NDST4: variants seen among roughly 807,000 people sequenced by gnomAD.
NDST4 encodes the protein N-deacetylase and N-sulfotransferase 4, also known as N-heparan sulfate sulfotransferase 4.
In NDST4, 63 loss-of-function variants were observed where a neutral mutation model predicts 100.8. That is an observed-to-expected ratio of 0.62 (90% CI 0.51 to 0.77). The LOEUF (loss-of-function observed/expected upper bound fraction) is 0.77. Ranked by LOEUF, NDST4 falls within the 30% of genes least tolerant of loss-of-function variation. The pLI, the probability that NDST4 is intolerant of heterozygous loss-of-function variation, is 0.00. For missense variants in NDST4, 943 were observed against 1,018.4 expected (o/e 0.93, Z 1.01); for synonymous variants, 377 against 361.8 (o/e 1.04, Z -0.48).
intron 6 of NDST4, among the ~76,000 whole-genome samples, chr4:114,892,218 T>C (rs1560798408): frequency 6.6e-6 from 1 of 152,134 alleles, no homozygotes; most frequent in East Asian, 1.9e-4. Flanking sequence ...AATCACTCAA[T>C]ATTTATTTAT....
chr4:114,870,962 A>C lies in NDST4; in HGVS notation c.1537-12T>G. On this transcript the variant is annotated splice_polypyrimidine_tract_variant and intron_variant, in intron 6 of 13. Transcript: ENST00000264363. Reference sequence around the variant, plus strand: ...ATGAAAATGCTGATCTGAAAGATAAATAAAAATGACCACAAAAATATCATA... The same window carrying C: ...ATGAAAATGCTGATCTGAAAGATAACTAAAAATGACCACAAAAATATCATA... 6.3e-7 allele frequency: 1 copy of C among 1,591,110 alleles called. No individual in the cohort carries two copies. The highest frequency in any genetic ancestry group is 8.6e-7 in the Non-Finnish European group (1 of 1,168,158).
At chr4:114,893,965 A>G (rs1428649770) in intron 6 of NDST4, among the ~76,000 whole-genome samples, 2 of 152,206 alleles carry the variant, frequency 1.3e-5, no homozygotes, top group Middle Eastern at 3.2e-3. Context: ...ATGGCTAGCC[A>G]GTTTTCCCAG....
Position 115,019,035 on chromosome 4 carries a change from T to C in NDST4, c.979-41761A>G, listed in dbSNP as rs147410207. 5.9e-3 allele frequency among the ~76,000 whole-genome samples: 903 copies of C among 152,136 alleles called. 7 individuals carry two copies. The highest frequency in any genetic ancestry group is 0.01 in the Non-Finnish European group (701 of 67,964). ...TCATTATCAAATCATCTATATTTCT[T>C]CTTTTTATAATTCTAAATTTTCATT... On this transcript the variant is annotated intron_variant, in intron 2 of 13. Coordinates refer to ENST00000264363, the MANE Select transcript of NDST4 (RefSeq NM_022569.3).
At chr4:114,914,636 A>G (rs1258901249) in intron 6 of NDST4, among the ~76,000 whole-genome samples, 2 of 152,192 alleles carry the variant, frequency 1.3e-5, no homozygotes, top group East Asian at 3.8e-4. Flanking sequence ...TTAGTAAGGT[A>G]ATGATATTGT....
chr4:115,107,721 T>C (rs1729859104), intron 1 of NDST4, among the ~76,000 whole-genome samples: 1 of 152,108 alleles, frequency 6.6e-6, no homozygotes, highest in Non-Finnish European at 1.5e-5. Flanking sequence ...AGCTATTTTG[T>C]TCACCCTAGT....
At chr4:114,908,616 A>T (rs888580745) in intron 6 of NDST4, among the ~76,000 whole-genome samples, 6 of 152,168 alleles carry the variant, frequency 3.9e-5, no homozygotes, top group Non-Finnish European at 8.8e-5. Context: ...GGTTTGAATT[A>T]TGAATTATAT....
chr4:115,091,667 T>G (rs1330523025), intron 1 of NDST4, among the ~76,000 whole-genome samples: 2 of 152,140 alleles, frequency 1.3e-5, no homozygotes, highest in African/African-American at 2.4e-5. Flanking sequence ...TACATGAGAA[T>G]TTGTGAAAAT....
intron 2 of NDST4, among the ~76,000 whole-genome samples, chr4:115,074,778 A>C (rs1222727772): frequency 6.6e-6 from 1 of 152,168 alleles, no homozygotes; most frequent in Non-Finnish European, 1.5e-5. Context: ...GAAGTATCCA[A>C]ATTTTATCTT....
At chr4:114,898,831 G>A (rs954942715) in intron 6 of NDST4, among the ~76,000 whole-genome samples, 1 of 151,628 alleles carries the variant, frequency 6.6e-6, no homozygotes, top group Admixed American at 6.6e-5. Flanking sequence ...TTTGTTTATT[G>A]CTGGTATAAA....
chr4:115,054,808 G>A (rs1194392906), intron 2 of NDST4, among the ~76,000 whole-genome samples: 1 of 152,072 alleles, frequency 6.6e-6, no homozygotes, highest in Admixed American at 6.6e-5. Flanking sequence ...CTTGTTTCCT[G>A]ATGTGGTTCC....
intron 6 of NDST4, 146 bp from the exon 7 acceptor site, chr4:114,871,096 T>G (rs1724140304): frequency 1.9e-6 from 1 of 537,738 alleles, no homozygotes; most frequent in East Asian, 3.3e-5. Context: ...CACATTTAAT[T>G]TTCATCTCAA....
intron 6 of NDST4, among the ~76,000 whole-genome samples, chr4:114,892,262 ATTAT>A (rs1186749114): frequency 6.6e-6 from 1 of 152,160 alleles, no homozygotes; most frequent in Non-Finnish European, 1.5e-5. Flanking sequence ...TACCATGTAC[ATTAT>A]TTATACTTGG....
Position 114,968,905 on chromosome 4 carries a change from T to C in NDST4, c.1221+1525A>G, listed in dbSNP as rs148961206. Among the ~76,000 whole-genome samples, 111 of 152,182 alleles carry C rather than the reference T, an allele frequency of 7.3e-4. 2 individuals carry two copies. The East Asian group carries it at 0.017, about 23-fold the overall frequency. The stretch of plus-strand genomic sequence containing the variant: ...TGGGAAGTTTCTGAAATGCAAATTG[T>C]CAGGCCTCTCTGCAGATCTACTGAA... On this transcript the variant is annotated intron_variant, in intron 4 of 13. Coordinates refer to ENST00000264363, the MANE Select transcript of NDST4 (RefSeq NM_022569.3).
At chr4:114,839,309 T>C in intron 11 of NDST4, 69 bp downstream of exon 11, 2 of 1,406,960 alleles carry the variant, frequency 1.4e-6, no homozygotes, top group Non-Finnish European at 1.9e-6. Flanking sequence ...TTCAGGACAT[T>C]ATAATAAAAT....
At chr4:115,004,236 C>A (rs1487682282) in intron 2 of NDST4, among the ~76,000 whole-genome samples, 3 of 152,006 alleles carry the variant, frequency 2.0e-5, no homozygotes, top group African/African-American at 7.2e-5. Flanking sequence ...CAATTAAAAC[C>A]AAAAAAATTA....
At chr4:114,877,427 A>T (rs1440411678) in intron 6 of NDST4, among the ~76,000 whole-genome samples, 1 of 152,204 alleles carries the variant, frequency 6.6e-6, no homozygotes, top group South Asian at 2.1e-4. Context: ...ACACTTTAAG[A>T]TAATAAGTAC....
intron 6 of NDST4, among the ~76,000 whole-genome samples, chr4:114,919,465 G>A (rs575938859): frequency 6.6e-6 from 1 of 152,230 alleles, no homozygotes; most frequent in Admixed American, 6.5e-5. Context: ...CAAATTCCTG[G>A]AAGCAACTTA....
chr4:114,935,384 C>T lies in NDST4; in HGVS notation c.1408-50G>A, dbSNP rs1382880747. The T allele has an allele frequency of 4.8e-6, 7 of 1,469,968 alleles. No individual in the cohort carries two copies. The African/African-American group carries it at 5.8e-5, about 12-fold the overall frequency. The allele number at this position is 1,469,968 out of a possible 1,614,324, so 91.1% of individuals were successfully genotyped here. A position where few individuals can be genotyped will look rare whatever the true frequency, so the allele number is the denominator to read the frequency against. On this transcript the variant is annotated intron_variant, in intron 5 of 13. Coordinates refer to ENST00000264363, the MANE Select transcript of NDST4 (RefSeq NM_022569.3). The stretch of plus-strand genomic sequence containing the variant: ...CACATGGACGTGATTTAATTAAGAA[C>T]TTCACCTGTGTCTCATAACTTTAGA...
intron 1 of NDST4, among the ~76,000 whole-genome samples, chr4:115,103,194 T>G (rs1729767708): frequency 6.6e-6 from 1 of 152,164 alleles, no homozygotes; most frequent in Non-Finnish European, 1.5e-5. Flanking sequence ...TTTGTGCTGC[T>G]GGTGATGGAA....
Sources: allele counts gnomAD v4.1 joint callset (sites outside exome capture counted in the v4.1 genomes callset), GRCh38; gene constraint gnomAD v4.1.1; transcripts MANE v1.5; gene names NCBI Gene and HGNC (gene_info 2026-07-23, HGNC 2026-07-21).